MTCL3: variants seen among roughly 807,000 people sequenced by gnomAD.
MTCL3 encodes microtubule cross-linking factor 3.
the MTCL3 span, among the ~76,000 whole-genome samples, chr6:127,510,135 T>C: frequency 6.6e-6 from 1 of 152,222 alleles, no homozygotes; most frequent in Non-Finnish European, 1.5e-5. Flanking sequence ...ATTTTCCTAA[T>C]AAAAGATTAC....
At chr6:127,494,021 C>T in the MTCL3 span, among the ~76,000 whole-genome samples, 1 of 152,118 alleles carries the variant, frequency 6.6e-6, no homozygotes, top group Non-Finnish European at 1.5e-5. Context: ...ACTTTTAAGT[C>T]TTTTTTGGTG....
At chr6:127,477,616 C>A in the MTCL3 span, among the ~76,000 whole-genome samples, 2 of 152,236 alleles carry the variant, frequency 1.3e-5, no homozygotes, top group South Asian at 4.1e-4. Flanking sequence ...GAGCTTCTGC[C>A]AGAGATGCTC....
At chr6:127,502,451 G>A in the MTCL3 span, among the ~76,000 whole-genome samples, 1 of 152,218 alleles carries the variant, frequency 6.6e-6, no homozygotes, top group Non-Finnish European at 1.5e-5. Flanking sequence ...AGTGGATCCT[G>A]AAGCAGTAAG....
chr6:127,475,571 G>C, the MTCL3 span: 2 of 1,608,734 alleles, frequency 1.2e-6, no homozygotes. This position sits in a 1 kb window ranked among gnomAD's most constrained non-coding sequence, Gnocchi z 7.3. Context: ...GCCTCCGAGC[G>C]GATGTCCTTC....
the MTCL3 span, chr6:127,515,690 A>G: frequency 6.5e-7 from 1 of 1,546,628 alleles, no homozygotes; most frequent in Admixed American, 2.0e-5. The surrounding 1 kb of genome is among the most constrained non-coding windows in gnomAD (Gnocchi z 4.3). Flanking sequence ...GCCATTGGGG[A>G]GGCGGAGGCG....
chr6:127,495,261 G>A, the MTCL3 span, among the ~76,000 whole-genome samples: 1 of 151,934 alleles, frequency 6.6e-6, no homozygotes, highest in Non-Finnish European at 1.5e-5. Flanking sequence ...TTAAACTATG[G>A]ATGACAACAA....
chr6:127,516,529 G>A, the MTCL3 span: 1 of 1,598,610 alleles, frequency 6.3e-7, no homozygotes, highest in Non-Finnish European at 8.5e-7. Context: ...GCTGCCCTCC[G>A]GGTGCAGACG....
the MTCL3 span, among the ~76,000 whole-genome samples, chr6:127,510,579 AT>A: frequency 6.6e-6 from 1 of 152,104 alleles, no homozygotes; most frequent in South Asian, 2.1e-4. Flanking sequence ...CTTAAGTACA[AT>A]TTTTCAGGTA....
At chr6:127,492,361 T>G in the MTCL3 span, among the ~76,000 whole-genome samples, 10 of 152,140 alleles carry the variant, frequency 6.6e-5, no homozygotes, top group Non-Finnish European at 1.3e-4. Context: ...AGTTCAGATT[T>G]ATAAACAATA....
chr6:127,514,862 G>T, the MTCL3 span: 3 of 1,613,722 alleles, frequency 1.9e-6, no homozygotes, highest in South Asian at 1.1e-5. Context: ...GCTCCCCGTC[G>T]ATTTCCCCGG....
chr6:127,483,835 T>G, the MTCL3 span, among the ~76,000 whole-genome samples: 1 of 152,316 alleles, frequency 6.6e-6, no homozygotes, highest in African/African-American at 2.4e-5. Context: ...GTCTACCATA[T>G]ACTACACATT....
chr6:127,504,636 G>A, the MTCL3 span, among the ~76,000 whole-genome samples: 11 of 152,054 alleles, frequency 7.2e-5, no homozygotes, highest in African/African-American at 2.4e-4. Context: ...TTACAACTGT[G>A]CCCTGAGAAT....
At chr6:127,476,114 G>C in the MTCL3 span, 2 of 1,614,124 alleles carry the variant, frequency 1.2e-6, no homozygotes, top group Non-Finnish European at 1.7e-6. This position sits in a 1 kb window ranked among gnomAD's most constrained non-coding sequence, Gnocchi z 4.4. Context: ...GATTCGCTCT[G>C]CTCCCTCATG....
chr6:127,476,198 C>A, the MTCL3 span: 2 of 1,614,146 alleles, frequency 1.2e-6, no homozygotes, highest in African/African-American at 1.3e-5. The surrounding 1 kb of genome is among the most constrained non-coding windows in gnomAD (Gnocchi z 4.4). Context: ...CTGTTCTCCA[C>A]CTCCAGTTCG....
the MTCL3 span, chr6:127,475,615 G>A: frequency 1.9e-6 from 3 of 1,600,400 alleles, no homozygotes; most frequent in Non-Finnish European, 2.5e-6. The surrounding 1 kb of genome is among the most constrained non-coding windows in gnomAD (Gnocchi z 7.3). Flanking sequence ...CTTGGGCCAG[G>A]GCCCGGGCGC....
chr6:127,499,404 C>T, the MTCL3 span, among the ~76,000 whole-genome samples: 4 of 151,604 alleles, frequency 2.6e-5, no homozygotes, highest in Non-Finnish European at 5.9e-5. Context: ...ATATTGAAAA[C>T]AAACTTGAAA....
chr6:127,492,191 C>T, the MTCL3 span, among the ~76,000 whole-genome samples: 8 of 152,120 alleles, frequency 5.3e-5, no homozygotes, highest in Non-Finnish European at 1.0e-4. Flanking sequence ...CATGCATGGA[C>T]CTACCTGAGA....
At chr6:127,489,921 G>A in the MTCL3 span, among the ~76,000 whole-genome samples, 48 of 152,342 alleles carry the variant, frequency 3.2e-4, no homozygotes, top group African/African-American at 9.1e-4. Flanking sequence ...CTAAATAATA[G>A]ACTTTCAATG....
At chr6:127,499,360 A>G in the MTCL3 span, among the ~76,000 whole-genome samples, 1 of 152,214 alleles carries the variant, frequency 6.6e-6, no homozygotes. Context: ...GTCTTTAAGG[A>G]GCACAACTGA....
Sources: allele counts gnomAD v4.1 joint callset (sites outside exome capture counted in the v4.1 genomes callset), GRCh38; gene constraint gnomAD v4.1.1; non-coding constraint Gnocchi (gnomAD v3.1); transcripts MANE v1.5; gene names NCBI Gene and HGNC (gene_info 2026-07-23, HGNC 2026-07-21).